The following UGT1A6 variants were observed in gnomAD, a reference collection of about 807,000 sequenced individuals.
UGT1A6 encodes the protein UDP glucuronosyltransferase family 1 member A6, also known as UDP-glucuronosyltransferase 1A6.
A neutral mutation model predicts 44.4 loss-of-function variants in UGT1A6; 32 were observed. The observed-to-expected ratio is 0.72, with a 90% CI of 0.54 to 0.97. The LOEUF is 0.97. UGT1A6 is among the 50% of genes least tolerant of loss of function. The pLI is 0.00. For synonymous variants in UGT1A6, 238 were observed against 248.5 expected (o/e 0.96, Z 0.40); for missense variants, 685 against 661.9 (o/e 1.03, Z -0.38).
intron 1 of UGT1A6, among the ~76,000 whole-genome samples, chr2:233,741,187 CT>C (rs1691585629): frequency 6.6e-6 from 1 of 151,902 alleles, no homozygotes; most frequent in Non-Finnish European, 1.5e-5. Context: ...CTTGTGTTTG[CT>C]TTCAACTGTT....
At chr2:233,749,591 G>A (rs1280802236) in intron 1 of UGT1A6, among the ~76,000 whole-genome samples, 27 of 151,796 alleles carry the variant, frequency 1.8e-4, no homozygotes. Context: ...GTCTCAACAT[G>A]AAGTCACACT....
chr2:233,718,143 A>G (rs1479667470), intron 1 of UGT1A6: 3 of 227,078 alleles, frequency 1.3e-5, no homozygotes, highest in Non-Finnish European at 2.8e-5. Flanking sequence ...AGAATCCTCA[A>G]TAAAGCCTTC....
rs771015573 is a variant in UGT1A6 at position 233,755,062 on chromosome 2, C to T, written c.862-11972C>T. On this transcript the variant is annotated intron_variant, in intron 1 of 4. Coordinates refer to ENST00000305139, the MANE Select transcript of UGT1A6 (RefSeq NM_001072.4). ...GCGCAGCCGCCCTCCGCCCTCGCCT[C>T]GCCATAGCGGTCATAGATATCGCGT... 7 of 1,335,332 alleles carry T rather than the reference C, an allele frequency of 5.2e-6. No individual in the cohort carries two copies. In the African/African-American group the frequency reaches 6.0e-5, roughly 11 times the overall value. 82.7% of individuals were successfully genotyped at this position (1,335,332 alleles called of 1,614,324 possible). A position where few individuals can be genotyped will look rare whatever the true frequency, so the allele number is the denominator to read the frequency against.
chr2:233,735,021 C>G (rs939464650), intron 1 of UGT1A6, among the ~76,000 whole-genome samples: 5 of 152,270 alleles, frequency 3.3e-5, no homozygotes, highest in Non-Finnish European at 5.9e-5. Context: ...CTGTAGATGT[C>G]TATTAGGTCT....
intron 3 of UGT1A6, 36 bp from the exon 4 acceptor site, chr2:233,768,184 T>A: frequency 6.2e-7 from 1 of 1,614,044 alleles, no homozygotes; most frequent in Non-Finnish European, 8.5e-7. Flanking sequence ...AACTCAGAGA[T>A]GTAACTGCTG....
rs201968211 is a variant in UGT1A6 at position 233,718,966 on chromosome 2, G to A, written c.861+25101G>A. 301 of 1,614,070 alleles carry A rather than the reference G, an allele frequency of 1.9e-4. 1 individual carries two copies. The highest frequency in any genetic ancestry group is 1.6e-4 in the Middle Eastern group (1 of 6,072). On this transcript the variant is annotated intron_variant, in intron 1 of 4. Transcript: ENST00000305139. ...TGGCTCAGCATGCGGGAGGCCTTGC[G>A]GGAGCTCCATGCCAGAGGCCACCAG...
chr2:233,743,699 G>A (rs780880081), intron 1 of UGT1A6: 5 of 1,367,152 alleles, frequency 3.7e-6, no homozygotes, highest in African/African-American at 3.0e-5. Context: ...GCCGCCCTCC[G>A]CCCCCGCCTC....
At chr2:233,697,848 C>G (rs2075412973) in intron 1 of UGT1A6, among the ~76,000 whole-genome samples, 2 of 151,974 alleles carry the variant, frequency 1.3e-5, no homozygotes, top group African/African-American at 4.8e-5. Context: ...AGTTAGTAAG[C>G]AAAAGTTATG....
intron 1 of UGT1A6, among the ~76,000 whole-genome samples, chr2:233,739,452 G>A (rs115541121): frequency 6.6e-6 from 1 of 152,196 alleles, no homozygotes; most frequent in Non-Finnish European, 1.5e-5. Flanking sequence ...AAGCCACAGG[G>A]TTGGAGCTGC....
intron 1 of UGT1A6, among the ~76,000 whole-genome samples, chr2:233,761,829 G>C (rs1171169931): frequency 6.6e-6 from 1 of 152,178 alleles, no homozygotes; most frequent in Non-Finnish European, 1.5e-5. Context: ...CCTTCAGATG[G>C]AGCGTTAGGG....
intron 1 of UGT1A6, among the ~76,000 whole-genome samples, chr2:233,734,247 T>A (rs1242167028): frequency 6.6e-6 from 1 of 152,226 alleles, no homozygotes; most frequent in Non-Finnish European, 1.5e-5. Flanking sequence ...CCTGCTTTAG[T>A]CTTGGGAGGG....
intron 1 of UGT1A6, chr2:233,743,539 T>C (rs34135810): frequency 0.015 from 20,568 of 1,367,214 alleles, 228 homozygotes; most frequent in South Asian, 0.027. Context: ...GCAGTTCCTC[T>C]GACCCCCCCA....
intron 1 of UGT1A6, among the ~76,000 whole-genome samples, chr2:233,703,402 G>A (rs2075736582): frequency 6.6e-6 from 1 of 151,594 alleles, no homozygotes; most frequent in South Asian, 2.1e-4. Flanking sequence ...AAACAATTTT[G>A]GTTTTGTTTA....
rs761622962 is a variant in UGT1A6 at position 233,769,246 on chromosome 2, A to C, written c.1301+807A>C. On this transcript the variant is annotated intron_variant, in intron 4 of 4. Transcript: ENST00000305139. The surrounding 1 kb of genome is among the most constrained non-coding windows in gnomAD (Gnocchi z 4.4). The stretch of plus-strand genomic sequence containing the variant: ...TAAGAGCAAAGGAAAATTTGCTCAA[A>C]TGTGGCCCTGAAAACGATTCAAAGG... Among the ~76,000 whole-genome samples the C allele has an allele frequency of 6.6e-6, 1 of 152,238 alleles. No individual in the cohort carries two copies. Among genetic ancestry groups the C allele is most frequent in the Non-Finnish European group, 1.5e-5 (1 of 68,028 alleles).
intron 1 of UGT1A6, chr2:233,719,342 G>T (rs1239122112): frequency 6.2e-7 from 1 of 1,613,870 alleles, no homozygotes. Flanking sequence ...TTTTTTGGAG[G>T]TACATTCCAT....
chr2:233,698,651 A>G (rs2075452461), intron 1 of UGT1A6, among the ~76,000 whole-genome samples: 2 of 152,254 alleles, frequency 1.3e-5, no homozygotes, highest in African/African-American at 4.8e-5. Flanking sequence ...AGCATGCTTT[A>G]TAGGTAACTA....
At chr2:233,713,495 T>C (rs1332210670) in intron 1 of UGT1A6, 2 of 1,614,050 alleles carry the variant, frequency 1.2e-6, no homozygotes, top group African/African-American at 1.3e-5. Context: ...TGTCGATTCC[T>C]GCTGTGTTTT....
intron 1 of UGT1A6, among the ~76,000 whole-genome samples, chr2:233,712,282 C>T (rs1209135273): frequency 6.6e-6 from 1 of 152,248 alleles, no homozygotes; most frequent in Non-Finnish European, 1.5e-5. Context: ...AGCAGCACCT[C>T]TTCTTCCATG....
chr2:233,716,723 A>T (rs2076521930), intron 1 of UGT1A6, among the ~76,000 whole-genome samples: 1 of 152,160 alleles, frequency 6.6e-6, no homozygotes, highest in African/African-American at 2.4e-5. Context: ...GTTCCAGTTT[A>T]TATGTTTAGC....
Sources: gnomAD v4.1 joint callset for allele counts (sites outside exome capture counted in the v4.1 genomes callset) on GRCh38, gnomAD v4.1.1 for gene constraint, Gnocchi (gnomAD v3.1) non-coding constraint, MANE v1.5 for transcripts, NCBI Gene and HGNC (gene_info 2026-07-23, HGNC 2026-07-21) for gene names.